Variants in SNRNP48 observed in about 807,000 individuals in gnomAD.
The protein encoded by SNRNP48 is small nuclear ribonucleoprotein U11/U12 subunit 48.
A neutral mutation model predicts 47.0 loss-of-function variants in SNRNP48; 43 were observed. The observed-to-expected ratio is 0.92, with a 90% CI of 0.72 to 1.18. SNRNP48 has a LOEUF of 1.18. Among genes scored for constraint, SNRNP48 ranks in the 50% most tolerant of loss-of-function variants. The pLI is 0.00. For missense variants in SNRNP48, 396 were observed against 422.2 expected, an observed-to-expected ratio of 0.94 and a Z score of 0.54; for synonymous variants, 138 against 144.0, an observed-to-expected ratio of 0.96 and a Z score of 0.30.
At chr6:7,596,265 C>CAA (rs111802280) in intron 4 of SNRNP48, among the ~76,000 whole-genome samples, 6 of 139,428 alleles carry the variant, frequency 4.3e-5, no homozygotes, top group Non-Finnish European at 6.2e-5. Context: ...GACTCCATCT[C>CAA]AAAAAAAAAA....
chr6:7,604,177 CAGGG>C (rs1161394740), intron 6 of SNRNP48, among the ~76,000 whole-genome samples: 2 of 152,226 alleles, frequency 1.3e-5, no homozygotes, highest in Non-Finnish European at 2.9e-5. Context: ...GAGCTGCTGA[CAGGG>C]AGGCTTGTAG....
At chr6:7,607,702 A>G (rs1760157425) in intron 8 of SNRNP48, among the ~76,000 whole-genome samples, 1 of 152,212 alleles carries the variant, frequency 6.6e-6, no homozygotes, top group Admixed American at 6.5e-5. Context: ...TATCGCTGCT[A>G]GACTGTGAGC....
At position 7,609,435 on chromosome 6, in the gene SNRNP48, T is replaced by C. The variant is rs1377898925; in HGVS notation, c.*562T>C. Reference sequence around the variant, plus strand: ...TAATCTAGATCCATATTAACCTGGATTGGTCTCAAAAACATAATGCTCAGT... The same window carrying C: ...TAATCTAGATCCATATTAACCTGGACTGGTCTCAAAAACATAATGCTCAGT... On this transcript the variant is annotated 3_prime_UTR_variant, in exon 9 of 9. Transcript: ENST00000342415. The C allele has an allele frequency of 6.6e-6, 1 of 152,160 alleles. No individual in the cohort carries two copies. The highest frequency in any genetic ancestry group is 1.5e-5 in the Non-Finnish European group (1 of 68,024). The allele number at this position is 152,160 out of a possible 1,614,324, so 9.4% of individuals were successfully genotyped here.
chr6:7,597,723 T>C (rs1438515938), intron 4 of SNRNP48, among the ~76,000 whole-genome samples: 1 of 152,164 alleles, frequency 6.6e-6, no homozygotes, highest in African/African-American at 2.4e-5. Context: ...ATTTGGACAT[T>C]GAGCTTAGTT....
intron 4 of SNRNP48, among the ~76,000 whole-genome samples, chr6:7,598,494 C>CA (rs1164916929): frequency 1.3e-5 from 2 of 151,014 alleles, no homozygotes; most frequent in African/African-American, 4.9e-5. Context: ...GACTCTGTCT[C>CA]AAAAAAAGAA....
At position 7,590,248 on chromosome 6, in the gene SNRNP48, G is replaced by T; in HGVS notation, c.-10G>T. On this transcript the variant is annotated 5_prime_UTR_variant, in exon 1 of 9. Coordinates refer to ENST00000342415, the MANE Select transcript of SNRNP48 (RefSeq NM_152551.4). The stretch of plus-strand genomic sequence containing the variant: ...TTCGGCCGCTTCCTCTTGGCGGGTG[G>T]GCTGCAGCTATGGAGGGCGAGCCTC... 3.1e-6 allele frequency: 4 copies of T among 1,308,868 alleles called. No homozygotes were observed. Among genetic ancestry groups the T allele is most frequent in the Non-Finnish European group, 2.9e-6 (3 of 1,020,700 alleles). 81.1% of individuals were successfully genotyped at this position (1,308,868 alleles called of 1,614,324 possible).
intron 1 of SNRNP48, 64 bp downstream of exon 1, chr6:7,590,477 G>A (rs771305688): frequency 5.9e-5 from 74 of 1,252,270 alleles, no homozygotes; most frequent in Non-Finnish European, 7.3e-5. Flanking sequence ...CTGGAAGAAG[G>A]GAGATCCGCA....
In SNRNP48 at chr6:7,608,926, C is replaced by T; in HGVS notation, c.*53C>T. 2 of 1,011,682 alleles carry T rather than the reference C, an allele frequency of 2.0e-6. No homozygotes were observed. The highest frequency in any genetic ancestry group is 2.8e-6 in the Non-Finnish European group (2 of 706,258). The allele number at this position is 1,011,682 out of a possible 1,614,324, so 62.7% of individuals were successfully genotyped here. On this transcript the variant is annotated 3_prime_UTR_variant, in exon 9 of 9. Coordinates refer to ENST00000342415, the MANE Select transcript of SNRNP48 (RefSeq NM_152551.4). ...TGCTTACGCCATGATAACCAATATA[C>T]AGATATATTAATTGGAATTCCTTTG... is the stretch of plus-strand genomic sequence containing the variant.
At position 7,590,286 on chromosome 6, in the gene SNRNP48, AGCG is replaced by A. The variant is rs761244381; in HGVS notation, c.38_40del (p.Arg13del). On this transcript the variant is annotated inframe_deletion, in exon 1 of 9. Transcript: ENST00000342415. ...GAGGGCGAGCCTCCACCTGTGGAGGAGCGGCGGCGGCTGCAGGAGGAGCTGAAC... is the reference window on the plus strand; with the variant it reads ...GAGGGCGAGCCTCCACCTGTGGAGGAGCGGCGGCTGCAGGAGGAGCTGAAC... 25 of 1,373,010 alleles carry A rather than the reference AGCG, an allele frequency of 1.8e-5. No individual in the cohort carries two copies. Among genetic ancestry groups the A allele is most frequent in the South Asian group, 8.1e-5 (4 of 49,596 alleles). 85.1% of individuals were successfully genotyped at this position (1,373,010 alleles called of 1,614,324 possible). A position where few individuals can be genotyped will look rare whatever the true frequency, so the allele number is the denominator to read the frequency against.
At chr6:7,599,964 T>C in intron 4 of SNRNP48, 1 of 1,008,420 alleles carries the variant, frequency 9.9e-7, no homozygotes. Flanking sequence ...AAGGTTTATA[T>C]GAAGCTTGTT....
intron 4 of SNRNP48, among the ~76,000 whole-genome samples, chr6:7,596,586 C>G (rs896987013): frequency 2.6e-5 from 4 of 152,192 alleles, no homozygotes; most frequent in African/African-American, 7.2e-5. Context: ...AGAAGAAAGA[C>G]CATCTTATCC....
At position 7,610,472 on chromosome 6, in the gene SNRNP48, G is replaced by T. The variant is rs1005395670; in HGVS notation, c.*1599G>T. The T allele has an allele frequency of 4.6e-5, 7 of 152,180 alleles. No homozygotes were observed. Among genetic ancestry groups the T allele is most frequent in the Admixed American group, 1.3e-4 (2 of 15,282 alleles). The allele number at this position is 152,180 out of a possible 1,614,324, so 9.4% of individuals were successfully genotyped here. A position where few individuals can be genotyped will look rare whatever the true frequency, so the allele number is the denominator to read the frequency against. Reference sequence around the variant, plus strand: ...GAATCATGAAATTGCTGCTTTTATAGATCAAAACTACTTGAATCATCAGGA... The same window carrying T: ...GAATCATGAAATTGCTGCTTTTATATATCAAAACTACTTGAATCATCAGGA... On this transcript the variant is annotated 3_prime_UTR_variant, in exon 9 of 9. Coordinates refer to ENST00000342415, the MANE Select transcript of SNRNP48 (RefSeq NM_152551.4).
At chr6:7,607,400 C>G (rs746078503) in intron 8 of SNRNP48, among the ~76,000 whole-genome samples, 7 of 152,220 alleles carry the variant, frequency 4.6e-5, no homozygotes, top group Non-Finnish European at 1.0e-4. Flanking sequence ...CTCCTACCTA[C>G]TTCTTGTATT....
At chr6:7,606,235 C>CT in intron 8 of SNRNP48, 40 bp downstream of exon 8, 1 of 1,543,118 alleles carries the variant, frequency 6.5e-7, no homozygotes, top group Non-Finnish European at 8.7e-7. Flanking sequence ...GAATTCTGTA[C>CT]TTTTTAAAAA....
At chr6:7,605,616 G>A in intron 7 of SNRNP48, 130 bp downstream of exon 7, 1 of 845,120 alleles carries the variant, frequency 1.2e-6, no homozygotes, top group Non-Finnish European at 1.8e-6. Flanking sequence ...AATGCTTTTT[G>A]TTTTTCGTTG....
chr6:7,606,264 T>C, intron 8 of SNRNP48, 69 bp downstream of exon 8: 1 of 1,414,716 alleles, frequency 7.1e-7, no homozygotes, highest in African/African-American at 1.5e-5. Flanking sequence ...GTTCTTCTGT[T>C]GTAGACCATG....
chr6:7,605,433 A>G lies in SNRNP48; in HGVS notation c.753A>G (p.Glu251=). The change falls in exon 7 of 9, where the codon GAA becomes GAG. Residue 251 remains glutamate (E), a synonymous_variant. Transcript: ENST00000342415. ...IRDVINVHME[E]LSNHWQEEQE... is the part of the protein sequence containing the mutation. ...ATGTGATAAATGTGCACATGGAAGA[A>G]CTCAGCAATCATTGGCAAGAAGAGC... is the stretch of plus-strand genomic sequence containing the variant. 1 of 1,614,116 alleles carries G rather than the reference A, an allele frequency of 6.2e-7. No homozygotes were observed. The highest frequency in any genetic ancestry group is 2.2e-5 in the East Asian group (1 of 44,878).
Position 7,590,323 on chromosome 6 carries a change from G to A in SNRNP48, c.66G>A (p.Val22=). 1 of 1,411,136 alleles carries A rather than the reference G, an allele frequency of 7.1e-7. No homozygotes were observed. The highest frequency in any genetic ancestry group is 1.7e-5 in the South Asian group (1 of 57,634). The allele number at this position is 1,411,136 out of a possible 1,614,324, so 87.4% of individuals were successfully genotyped here. The change falls in exon 1 of 9, where the codon GTG becomes GTA. Residue 22 remains valine, a synonymous_variant. Transcript: ENST00000342415. ...TGCAGGAGGAGCTGAACGAGTTCGTGGAGAGCGGCTGCCGGACGTTGGAGG... is the reference window on the plus strand; with the variant it reads ...TGCAGGAGGAGCTGAACGAGTTCGTAGAGAGCGGCTGCCGGACGTTGGAGG... ...RRLQEELNEF[V]ESGCRTLEEV...
rs371980506 is a variant in SNRNP48, at chr6:7,590,699, C to T, written c.156+286C>T. Reference sequence around the variant, plus strand: ...TTCGAGTTTAAAGAAAACCGGGGGCCGGGCGCGGTGGCGCACGCCTGTAAT... The same window carrying T: ...TTCGAGTTTAAAGAAAACCGGGGGCTGGGCGCGGTGGCGCACGCCTGTAAT... On this transcript the variant is annotated intron_variant, in intron 1 of 8. Transcript: ENST00000342415. 2.6e-5 allele frequency among the ~76,000 whole-genome samples: 4 copies of T among 152,232 alleles called. No homozygotes were observed. In the East Asian group the frequency reaches 5.8e-4, roughly 22 times the overall value.
Sources: allele counts gnomAD v4.1 joint callset (sites outside exome capture counted in the v4.1 genomes callset), GRCh38; gene constraint gnomAD v4.1.1; transcripts MANE v1.5; gene names NCBI Gene and HGNC (gene_info 2026-07-23, HGNC 2026-07-21).